The following CLCA2 variants were observed in gnomAD, a reference collection of about 807,000 sequenced individuals.
The protein encoded by CLCA2 is chloride channel accessory 2.
A neutral mutation model predicts 82.9 loss-of-function variants in CLCA2; 85 were observed. The observed-to-expected ratio is 1.03, with a 90% CI of 0.86 to 1.23. The LOEUF (loss-of-function observed/expected upper bound fraction) is 1.23. CLCA2 is among the 50% of genes most tolerant of loss of function. CLCA2 has a pLI of 0.00. For missense variants in CLCA2, 1,089 were observed against 1,124.8 expected, an observed-to-expected ratio of 0.97 and a Z score of 0.45; for synonymous variants, 421 against 391.7, an observed-to-expected ratio of 1.07 and a Z score of -0.88.
At chr1:86,452,119 T>A (rs183349774) in intron 12 of CLCA2, among the ~76,000 whole-genome samples, 144 of 151,850 alleles carry the variant, frequency 9.5e-4, no homozygotes, top group African/African-American at 3.2e-3. Flanking sequence ...TAATTTTTGT[T>A]CTTTTTCTCC....
Position 86,447,593 on chromosome 1 carries a change from C to T in CLCA2, c.1799C>T (p.Ser600Leu). The T allele has an allele frequency of 6.2e-7, 1 of 1,614,108 alleles. No homozygotes were observed. Among genetic ancestry groups the T allele is most frequent in the Non-Finnish European group, 8.5e-7 (1 of 1,180,002 alleles). Reference protein sequence around the residue: ...KVTVTSRASNSAVPPATVEAF... With the variant: ...KVTVTSRASNLAVPPATVEAF... ...ACAGTGACCTCTCGCGCCTCCAACT[C>T]AGCTGTGCCCCCAGCCACTGTGGAA... The change falls in exon 11 of 14, where the codon TCA becomes TTA. Residue 600 changes from serine to leucine, a missense_variant. Ser to Leu is a moderately radical substitution (Grantham distance 145). Transcript: ENST00000370565.
At chr1:86,432,229 C>T in intron 4 of CLCA2, 140 bp from the exon 5 acceptor site, 1 of 915,080 alleles carries the variant, frequency 1.1e-6, no homozygotes. Flanking sequence ...AGCCACAGCA[C>T]CCCGCCAGTA....
At chr1:86,428,013 G>A (rs79518253) in intron 2 of CLCA2, among the ~76,000 whole-genome samples, 6,953 of 152,256 alleles carry the variant, frequency 0.046, 215 homozygotes, top group East Asian at 0.1. Flanking sequence ...GAATGGTTCT[G>A]AACGATGTAT....
At position 86,441,535 on chromosome 1, in the gene CLCA2, C is replaced by T; in HGVS notation, c.1480C>T (p.His494Tyr). ...TGGAACTGGAGACATTTTCCAGCAA[C>T]ATATTCAGGTCAGAATTTTCTCAAT... ...SSGTGDIFQQ[H>Y]IQLESTGENV... Residue 494 changes from histidine to tyrosine, a missense_variant, in exon 9 of 14, where the codon CAT (histidine) becomes TAT (tyrosine). Coordinates refer to ENST00000370565, the MANE Select transcript of CLCA2 (RefSeq NM_006536.7). 1 of 1,604,858 alleles carries T rather than the reference C, an allele frequency of 6.2e-7. No individual in the cohort carries two copies. The highest frequency in any genetic ancestry group is 8.5e-7 in the Non-Finnish European group (1 of 1,172,236).
chr1:86,452,481 A>C (rs1387351977), intron 12 of CLCA2, among the ~76,000 whole-genome samples: 1 of 152,186 alleles, frequency 6.6e-6, no homozygotes, highest in Non-Finnish European at 1.5e-5. Flanking sequence ...TGCAGCATGT[A>C]ACATTAAAAT....
In CLCA2 at chr1:86,443,276, G is replaced by A. The variant is rs201421934; in HGVS notation, c.1489-511G>A. ...ACTCCTGACCTCAGGCAATCCACTC[G>A]CCTTGGCCTCCCAAAGTGCTGGGAT... On this transcript the variant is annotated intron_variant, in intron 9 of 13. Transcript: ENST00000370565. Among the ~76,000 whole-genome samples, 7 of 152,254 alleles carry A rather than the reference G, an allele frequency of 4.6e-5. No homozygotes were observed. In the South Asian group the frequency reaches 8.3e-4, roughly 18 times the overall value.
At position 86,450,633 on chromosome 1, in the gene CLCA2, T is replaced by A. The variant is rs774990435; in HGVS notation, c.2055T>A (p.Tyr685Ter). 6 of 1,613,362 alleles carry A rather than the reference T, an allele frequency of 3.7e-6. No individual in the cohort carries two copies. The highest frequency in any genetic ancestry group is 5.1e-6 in the Non-Finnish European group (6 of 1,179,606). ...TCTCCTTTGCTGCAAATGGTAGATA[T>A]AGCTTGAAAGTGCATGTCAATCACT... is the stretch of plus-strand genomic sequence containing the variant. ...YFFSFAANGR[Y>*]SLKVHVNHSP... Residue 685 changes from tyrosine to a stop codon, truncating the protein, a stop_gained, in exon 12 of 14, where the codon TAT becomes TAA. Coordinates refer to ENST00000370565, the MANE Select transcript of CLCA2 (RefSeq NM_006536.7). LOFTEE classifies it high-confidence loss of function.
At chr1:86,444,891 G>GTTGTTA (rs1246227776) in intron 10 of CLCA2, among the ~76,000 whole-genome samples, 2 of 151,686 alleles carry the variant, frequency 1.3e-5, no homozygotes, top group Non-Finnish European at 1.5e-5. Flanking sequence ...TGTTGTTGTT[G>GTTGTTA]TTGTTGTTGT....
intron 5 of CLCA2, among the ~76,000 whole-genome samples, chr1:86,432,819 A>C (rs1348707225): frequency 6.6e-6 from 1 of 152,220 alleles, no homozygotes; most frequent in East Asian, 1.9e-4. Context: ...TTCATAAGAA[A>C]TTACATTGGG....
chr1:86,441,511 G>A lies in CLCA2; in HGVS notation c.1456G>A (p.Gly486Arg), dbSNP rs764893223. The change falls in exon 9 of 14, where the codon GGA (glycine) becomes AGA (arginine). Residue 486 changes from glycine (G) to arginine (R), a missense_variant. Coordinates refer to ENST00000370565, the MANE Select transcript of CLCA2 (RefSeq NM_006536.7). The part of the protein sequence containing the change: ...MIDAFSRISS[G>R]TGDIFQQHIQ... ...TGATGCTTTCAGTAGAATTTCCTCT[G>A]GAACTGGAGACATTTTCCAGCAACA... The A allele has an allele frequency of 1.9e-6, 3 of 1,611,572 alleles. No homozygotes were observed. Among genetic ancestry groups the A allele is most frequent in the Admixed American group, 1.7e-5 (1 of 59,990 alleles).
intron 13 of CLCA2, among the ~76,000 whole-genome samples, chr1:86,454,563 A>T: frequency 6.6e-6 from 1 of 152,150 alleles, no homozygotes; most frequent in East Asian, 1.9e-4. Context: ...AGGCCGAGGC[A>T]GGTGGATCAC....
chr1:86,446,109 C>T (rs1376217698), intron 10 of CLCA2, among the ~76,000 whole-genome samples: 1 of 152,118 alleles, frequency 6.6e-6, no homozygotes, highest in African/African-American at 2.4e-5. Flanking sequence ...CTGCACTCCC[C>T]CAATCCAGTA....
intron 10 of CLCA2, among the ~76,000 whole-genome samples, chr1:86,447,141 T>G (rs1662868804): frequency 6.6e-6 from 1 of 152,216 alleles, no homozygotes. Context: ...TGAAAAACAT[T>G]TAAACGCCTT....
intron 11 of CLCA2, chr1:86,448,008 G>A: frequency 1.8e-6 from 1 of 544,248 alleles, no homozygotes; most frequent in Non-Finnish European, 3.2e-6. Context: ...TGAGCAAAGG[G>A]TGGGAGGCAG....
intron 6 of CLCA2, among the ~76,000 whole-genome samples, chr1:86,436,310 C>G (rs551561348): frequency 6.6e-6 from 1 of 152,174 alleles, no homozygotes; most frequent in Non-Finnish European, 1.5e-5. Context: ...GTATTTACCC[C>G]GCAGAAACTG....
At chr1:86,432,632 T>C (rs3737159) in intron 5 of CLCA2, 104 bp downstream of exon 5, 383,466 of 1,341,680 alleles carry the variant, frequency 0.29, 56,305 homozygotes, top group East Asian at 0.39. Context: ...ACTTTAGAAC[T>C]TGGGGGACCC....
chr1:86,450,950 AC>A (rs555419784), intron 12 of CLCA2, among the ~76,000 whole-genome samples: 189 of 152,314 alleles, frequency 1.2e-3, no homozygotes, highest in Non-Finnish European at 2.4e-3. Context: ...CACAGATTAT[AC>A]CTAACTTCAT....
chr1:86,452,873 C>A (rs1280952497), intron 12 of CLCA2, among the ~76,000 whole-genome samples: 1 of 152,010 alleles, frequency 6.6e-6, no homozygotes, highest in East Asian at 1.9e-4. Flanking sequence ...CAGCATATGC[C>A]CTCCATAAGT....
intron 12 of CLCA2, among the ~76,000 whole-genome samples, chr1:86,451,097 T>C (rs1662953706): frequency 6.6e-6 from 1 of 152,154 alleles, no homozygotes; most frequent in Non-Finnish European, 1.5e-5. Flanking sequence ...AAAAAGTTAT[T>C]AGCAGTTGAA....
Sources: gnomAD v4.1 joint callset for allele counts (sites outside exome capture counted in the v4.1 genomes callset) on GRCh38, gnomAD v4.1.1 for gene constraint, MANE v1.5 for transcripts, NCBI Gene and HGNC (gene_info 2026-07-23, HGNC 2026-07-21) for gene names.